The following FOXJ3 variants were observed in gnomAD, a reference collection of about 807,000 sequenced individuals.
The protein encoded by FOXJ3 is forkhead box J3.
In FOXJ3, 22 loss-of-function variants were observed where a neutral mutation model predicts 76.1. The observed-to-expected ratio is 0.29, with a 90% CI of 0.21 to 0.41. The LOEUF (loss-of-function observed/expected upper bound fraction) is 0.41. Among genes scored for constraint, FOXJ3 ranks in the 10% least tolerant of loss-of-function variants. The pLI is 1.00. For synonymous variants in FOXJ3, 269 were observed against 261.2 expected, an observed-to-expected ratio of 1.03 and a Z score of -0.29; for missense variants, 613 against 762.1, an observed-to-expected ratio of 0.80 and a Z score of 2.30.
intron 2 of FOXJ3, among the ~76,000 whole-genome samples, chr1:42,309,443 C>T (rs1258053428): frequency 1.3e-5 from 2 of 152,212 alleles, no homozygotes; most frequent in African/African-American, 4.8e-5. Context: ...GAAGCCTTCC[C>T]TTAGGACTGG....
chr1:42,229,340 G>A (rs1647866646), intron 4 of FOXJ3, among the ~76,000 whole-genome samples: 2 of 151,972 alleles, frequency 1.3e-5, no homozygotes. Flanking sequence ...TATTTTACTC[G>A]TTTCTATATC....
intron 4 of FOXJ3, among the ~76,000 whole-genome samples, chr1:42,232,941 G>A (rs2124482077): frequency 6.6e-6 from 1 of 151,422 alleles, no homozygotes; most frequent in Admixed American, 6.6e-5. Context: ...TAACATATAA[G>A]TCTTTAATCC....
intron 11 of FOXJ3, among the ~76,000 whole-genome samples, chr1:42,187,123 C>G (rs1381694108): frequency 2.0e-5 from 3 of 151,440 alleles, no homozygotes; most frequent in African/African-American, 7.4e-5. Context: ...GCTGGGATTG[C>G]AGGCATGAGC....
intron 4 of FOXJ3, among the ~76,000 whole-genome samples, chr1:42,259,428 A>G (rs1016490167): frequency 1.3e-5 from 2 of 152,142 alleles, no homozygotes; most frequent in African/African-American, 4.8e-5. Context: ...TTAGATCTGG[A>G]AAAGAAAAAA....
intron 1 of FOXJ3, among the ~76,000 whole-genome samples, chr1:42,334,329 C>T (rs1302746752): frequency 6.6e-6 from 1 of 152,208 alleles, no homozygotes; most frequent in African/African-American, 2.4e-5. Flanking sequence ...CAAACTGACC[C>T]TAACACCTTC....
intron 5 of FOXJ3, among the ~76,000 whole-genome samples, chr1:42,207,649 C>T (rs181516302): frequency 6.6e-6 from 1 of 152,280 alleles, no homozygotes; most frequent in African/African-American, 2.4e-5. Flanking sequence ...TCTAAAAGAT[C>T]ATACCAGATG....
intron 1 of FOXJ3, among the ~76,000 whole-genome samples, chr1:42,324,513 G>A (rs1000729569): frequency 1.5e-4 from 23 of 151,634 alleles, no homozygotes; most frequent in African/African-American, 2.9e-4. Context: ...GTGATGCATC[G>A]CTTAACAACA....
intron 2 of FOXJ3, among the ~76,000 whole-genome samples, chr1:42,288,110 T>C (rs542260747): frequency 2.8e-4 from 42 of 152,360 alleles, no homozygotes; most frequent in African/African-American, 9.9e-4. Context: ...CTGTTGAACA[T>C]TAACCAAATG....
At chr1:42,185,424 A>T (rs1258419422) in intron 11 of FOXJ3, among the ~76,000 whole-genome samples, 7 of 151,254 alleles carry the variant, frequency 4.6e-5, no homozygotes, top group African/African-American at 1.7e-4. Context: ...CGCCTGGCTA[A>T]TTTTTTTGTA....
chr1:42,290,103 G>GAC (rs1653323522), intron 2 of FOXJ3, among the ~76,000 whole-genome samples: 7 of 152,042 alleles, frequency 4.6e-5, no homozygotes, highest in Non-Finnish European at 8.8e-5. Flanking sequence ...TGCTGGAGGA[G>GAC]AAGAAAAAGA....
chr1:42,196,544 T>C (rs1646654727), intron 7 of FOXJ3, among the ~76,000 whole-genome samples: 1 of 152,040 alleles, frequency 6.6e-6, no homozygotes, highest in African/African-American at 2.4e-5. Context: ...AATACAAAAA[T>C]TAGCTATGTG....
chr1:42,317,666 C>T (rs1655200062), intron 1 of FOXJ3, among the ~76,000 whole-genome samples: 1 of 151,754 alleles, frequency 6.6e-6, no homozygotes. Flanking sequence ...AATAATACGA[C>T]AGTGGGTAAG....
intron 2 of FOXJ3, among the ~76,000 whole-genome samples, chr1:42,295,130 G>A (rs972556469): frequency 5.9e-5 from 9 of 152,218 alleles, no homozygotes; most frequent in Admixed American, 2.6e-4. Flanking sequence ...GCATATTGGT[G>A]GAGACTGGGC....
chr1:42,244,328 G>A (rs977314850), intron 4 of FOXJ3, among the ~76,000 whole-genome samples: 1 of 152,082 alleles, frequency 6.6e-6, no homozygotes, highest in South Asian at 2.1e-4. Context: ...TGCAGCCTGG[G>A]AAATGGGCTG....
chr1:42,222,380 T>G (rs947947551), intron 5 of FOXJ3, among the ~76,000 whole-genome samples: 1 of 152,242 alleles, frequency 6.6e-6, no homozygotes, highest in African/African-American at 2.4e-5. Context: ...TGTGACCACA[T>G]AATTTATCAT....
intron 1 of FOXJ3, among the ~76,000 whole-genome samples, chr1:42,330,572 AG>A (rs1444480958): frequency 1.3e-5 from 2 of 152,076 alleles, no homozygotes; most frequent in African/African-American, 4.8e-5. Context: ...CAGGAGGTTG[AG>A]GTTGCAATGA....
At chr1:42,274,506 T>C (rs185293030) in intron 3 of FOXJ3, among the ~76,000 whole-genome samples, 93 of 152,326 alleles carry the variant, frequency 6.1e-4, no homozygotes, top group Admixed American at 1.9e-3. Context: ...CCAAGTCTGG[T>C]ACCAAATCCT....
At chr1:42,298,183 T>C (rs1034647621) in intron 2 of FOXJ3, among the ~76,000 whole-genome samples, 2 of 152,214 alleles carry the variant, frequency 1.3e-5, no homozygotes, top group Admixed American at 1.3e-4. Flanking sequence ...CTGCTTCCCC[T>C]TCTGCCATGA....
At chr1:42,229,180 G>A (rs566574421) in intron 4 of FOXJ3, among the ~76,000 whole-genome samples, 15 of 152,028 alleles carry the variant, frequency 9.9e-5, no homozygotes, top group East Asian at 9.7e-4. Context: ...TTTTCTGACC[G>A]TCCTGCCATA....
Sources: allele counts gnomAD v4.1 joint callset (sites outside exome capture counted in the v4.1 genomes callset), GRCh38; gene constraint gnomAD v4.1.1; transcripts MANE v1.5; gene names NCBI Gene and HGNC (gene_info 2026-07-23, HGNC 2026-07-21).